Variants in CDK17 observed in about 807,000 individuals in gnomAD.
CDK17 encodes cyclin dependent kinase 17.
In CDK17, 24 loss-of-function variants were observed where a neutral mutation model predicts 77.6. The ratio of observed to expected loss-of-function variants is 0.31; its 90% confidence interval spans 0.22 to 0.44. The LOEUF is 0.44. CDK17 is among the 20% of genes least tolerant of loss of function. CDK17 has a pLI of 1.00. For synonymous variants in CDK17, 203 were observed against 210.4 expected (o/e 0.96, Z 0.30); for missense variants, 429 against 622.5 (o/e 0.69, Z 3.31).
Position 96,375,947 on chromosome 12 carries a change from CA to C in CDK17, c.-30+24038del, listed in dbSNP as rs1314506896. ...GGGAAAAATTGAAAGTCAAACTATT[CA>C]CCAAGAGAATGCATTGTCTTTGCAA... On this transcript the variant is annotated intron_variant, in intron 1 of 16. Transcript: ENST00000261211. Among the ~76,000 whole-genome samples the C allele has an allele frequency of 2.6e-5, 4 of 152,170 alleles. No homozygotes were observed. The East Asian group carries it at 5.8e-4, about 22-fold the overall frequency.
chr12:96,332,948 C>T (rs1409018637), intron 2 of CDK17, among the ~76,000 whole-genome samples: 1 of 152,228 alleles, frequency 6.6e-6, no homozygotes, highest in Non-Finnish European at 1.5e-5. Flanking sequence ...CTAAAACATA[C>T]GTTCATTTTC....
At chr12:96,308,253 GTTT>G (rs139654254) in intron 5 of CDK17, among the ~76,000 whole-genome samples, 1 of 124,710 alleles carries the variant, frequency 8.0e-6, no homozygotes, top group Non-Finnish European at 1.7e-5. Context: ...AAAAAAAAAA[GTTT>G]TTTAATTAGC....
At chr12:96,357,155 A>G (rs181497279) in intron 1 of CDK17, among the ~76,000 whole-genome samples, 50 of 152,286 alleles carry the variant, frequency 3.3e-4, no homozygotes, top group African/African-American at 1.1e-3. Flanking sequence ...ACAAAAGGGG[A>G]AAAAGCCCAT....
At position 96,278,519 on chromosome 12, in the gene CDK17, C is replaced by T. The variant is rs925197725; in HGVS notation, c.*1723G>A. 2 of 152,496 alleles carry T rather than the reference C, an allele frequency of 1.3e-5. No individual in the cohort carries two copies. The highest frequency in any genetic ancestry group is 4.8e-5 in the African/African-American group (2 of 41,424). The allele number at this position is 152,496 out of a possible 1,614,324, so 9.4% of individuals were successfully genotyped here. On this transcript the variant is annotated 3_prime_UTR_variant, in exon 17 of 17. Transcript: ENST00000261211. ...GGACCCCACTCGGCACAGCCTTCAT[C>T]CCCAAGAAAGAACTGTGACTCAATA...
chr12:96,286,658 T>A lies in CDK17; in HGVS notation c.1216+6A>T, dbSNP rs375828583. 2.7e-5 allele frequency: 44 copies of A among 1,605,346 alleles called. No homozygotes were observed. The African/African-American group carries it at 5.5e-4, about 20-fold the overall frequency. On this transcript the variant is annotated splice_donor_region_variant and intron_variant, in intron 12 of 16. Coordinates refer to ENST00000261211, the MANE Select transcript of CDK17 (RefSeq NM_002595.5). ...AAAATCACTGGGAAAAGATTTCTTC[T>A]GTTACCTAGCAGTCGGAAAATTAAG...
chr12:96,297,016 T>C (rs372227963), intron 9 of CDK17, among the ~76,000 whole-genome samples: 95 of 152,282 alleles, frequency 6.2e-4, no homozygotes, highest in African/African-American at 2.2e-3. Context: ...ATATATTCTA[T>C]ATTAGGACAA....
chr12:96,386,315 G>C lies in CDK17; in HGVS notation c.-30+13671C>G, dbSNP rs1027585886. Among the ~76,000 whole-genome samples, 9 of 152,210 alleles carry C rather than the reference G, an allele frequency of 5.9e-5. No homozygotes were observed. In the South Asian group the frequency reaches 1.9e-3, roughly 32 times the overall value. ...CCAGGTAGAAAGTTTTAATCACTTT[G>C]CCTTCACTTCAAAAAATTTCCACAT... On this transcript the variant is annotated intron_variant, in intron 1 of 16. Coordinates refer to ENST00000261211, the MANE Select transcript of CDK17 (RefSeq NM_002595.5).
chr12:96,361,637 T>C lies in CDK17; in HGVS notation c.-29-26772A>G, dbSNP rs78921176. Among the ~76,000 whole-genome samples, 282 of 152,304 alleles carry C rather than the reference T, an allele frequency of 1.9e-3. 1 individual carries two copies. Among genetic ancestry groups the C allele is most frequent in the African/African-American group, 6.7e-3 (277 of 41,568 alleles). On this transcript the variant is annotated intron_variant, in intron 1 of 16. Coordinates refer to ENST00000261211, the MANE Select transcript of CDK17 (RefSeq NM_002595.5). Reference sequence around the variant, plus strand: ...ACTTATGAGGAAATTAAATAATCAATACCAAAATAACGGTATCTATTTTAA... The same window carrying C: ...ACTTATGAGGAAATTAAATAATCAACACCAAAATAACGGTATCTATTTTAA...
chr12:96,278,794 G>T lies in CDK17; in HGVS notation c.*1448C>A, dbSNP rs1952137115. The stretch of plus-strand genomic sequence containing the variant: ...AGAATTTTTTAAAATTAAAATTTTA[G>T]TATCGTGAAATATTAAAATAACACC... On this transcript the variant is annotated 3_prime_UTR_variant, in exon 17 of 17. Transcript: ENST00000261211. The T allele has an allele frequency of 6.6e-6, 1 of 152,420 alleles. No homozygotes were observed. Among genetic ancestry groups the T allele is most frequent in the South Asian group, 2.1e-4 (1 of 4,828 alleles). The allele number at this position is 152,420 out of a possible 1,614,324, so 9.4% of individuals were successfully genotyped here. A position where few individuals can be genotyped will look rare whatever the true frequency, so the allele number is the denominator to read the frequency against.
intron 5 of CDK17, chr12:96,303,231 A>G (rs1424898444): frequency 3.3e-5 from 5 of 152,310 alleles, no homozygotes; most frequent in African/African-American, 1.2e-4. Flanking sequence ...GAAGACAGAC[A>G]TGATTCCCAC....
intron 11 of CDK17, 105 bp from the exon 12 acceptor site, chr12:96,286,866 G>A (rs977051326): frequency 1.4e-5 from 11 of 794,162 alleles, no homozygotes; most frequent in South Asian, 3.2e-5. Flanking sequence ...GCACTAGCCT[G>A]TCGGAAAACC....
At chr12:96,335,679 AG>A (rs1389638441) in intron 1 of CDK17, among the ~76,000 whole-genome samples, 2 of 152,252 alleles carry the variant, frequency 1.3e-5, no homozygotes, top group Admixed American at 6.5e-5. Context: ...CTTTGAAATC[AG>A]AATGTATCTC....
At chr12:96,303,892 A>G (rs1364628775) in intron 5 of CDK17, among the ~76,000 whole-genome samples, 1 of 152,202 alleles carries the variant, frequency 6.6e-6, no homozygotes, top group Non-Finnish European at 1.5e-5. Context: ...TTCTAAGAAC[A>G]CCAGTGGATG....
intron 15 of CDK17, 74 bp from the exon 16 acceptor site, chr12:96,280,959 G>C: frequency 8.2e-7 from 1 of 1,222,674 alleles, no homozygotes; most frequent in Non-Finnish European, 1.2e-6. Context: ...ATCAACAAAT[G>C]TTTATAAAGC....
intron 1 of CDK17, among the ~76,000 whole-genome samples, chr12:96,345,345 G>C (rs1401597896): frequency 1.3e-5 from 2 of 152,204 alleles, no homozygotes; most frequent in Non-Finnish European, 2.9e-5. Context: ...TATATACCCA[G>C]TAATGGGATT....
chr12:96,291,185 C>G (rs914097458), intron 10 of CDK17, among the ~76,000 whole-genome samples: 11 of 149,628 alleles, frequency 7.4e-5, no homozygotes, highest in Admixed American at 6.0e-4. Context: ...ATGGAATAAT[C>G]AGAATTTCTT....
intron 1 of CDK17, among the ~76,000 whole-genome samples, chr12:96,366,934 T>A (rs1015390241): frequency 6.6e-6 from 1 of 152,174 alleles, no homozygotes; most frequent in African/African-American, 2.4e-5. Context: ...TTTTCTTTCC[T>A]CATTTCATGA....
At chr12:96,301,392 G>A (rs549143013) in intron 5 of CDK17, among the ~76,000 whole-genome samples, 34 of 152,096 alleles carry the variant, frequency 2.2e-4, no homozygotes, top group Non-Finnish European at 4.6e-4. Context: ...ACCTAAATAT[G>A]TAATACAAAC....
Position 96,329,043 on chromosome 12 carries a change from A to C in CDK17, c.119-4931T>G, listed in dbSNP as rs561371258. On this transcript the variant is annotated intron_variant, in intron 2 of 16. Transcript: ENST00000261211. ...ATATGCTAAGGGAAATAAGTCAGAC[A>C]CAAAAGGACAAATATTATATGGTTC... 8.5e-5 allele frequency among the ~76,000 whole-genome samples: 13 copies of C among 152,330 alleles called. No homozygotes were observed. In the East Asian group the frequency reaches 2.5e-3, roughly 29 times the overall value.
Sources: gnomAD v4.1 joint callset for allele counts (sites outside exome capture counted in the v4.1 genomes callset) on GRCh38, gnomAD v4.1.1 for gene constraint, MANE v1.5 for transcripts, NCBI Gene and HGNC (gene_info 2026-07-23, HGNC 2026-07-21) for gene names.